The following TRMT11 variants were observed in gnomAD, a reference collection of about 807,000 sequenced individuals.
TRMT11 encodes the protein tRNA methyltransferase 11, also known as tRNA (guanine(10)-N(2))-methyltransferase TRMT11.
In TRMT11, 53 loss-of-function variants were observed where a neutral mutation model predicts 62.8. The ratio of observed to expected loss-of-function variants is 0.84; its 90% confidence interval spans 0.68 to 1.06. The LOEUF (loss-of-function observed/expected upper bound fraction) is 1.06. TRMT11 is among the 50% of genes least tolerant of loss of function. The pLI is 0.00. For synonymous variants in TRMT11, 188 were observed against 190.3 expected (o/e 0.99, Z 0.10); for missense variants, 556 against 553.4 (o/e 1.00, Z -0.05).
chr6:126,159,771 C>G (rs1778167873), intron 21 of TRMT11, among the ~76,000 whole-genome samples: 1 of 152,162 alleles, frequency 6.6e-6, no homozygotes, highest in Non-Finnish European at 1.5e-5. Flanking sequence ...CTCTTCCTAG[C>G]TTTGGGTGGC....
intron 17 of TRMT11, among the ~76,000 whole-genome samples, chr6:126,083,211 A>G (rs1777177888): frequency 6.6e-6 from 1 of 152,174 alleles, no homozygotes; most frequent in Admixed American, 6.5e-5. Flanking sequence ...CTGGTGTCCC[A>G]TCATGGTTTC....
intron 21 of TRMT11, among the ~76,000 whole-genome samples, chr6:126,148,718 G>A (rs1037808193): frequency 9.9e-5 from 15 of 151,986 alleles, no homozygotes; most frequent in Non-Finnish European, 1.5e-4. Flanking sequence ...GAGTCATTTA[G>A]TCGAGTGATT....
chr6:126,096,245 G>GGTGCTCTAGTTTATC (rs1777338576), intron 17 of TRMT11, among the ~76,000 whole-genome samples: 5 of 152,180 alleles, frequency 3.3e-5, no homozygotes, highest in Admixed American at 6.5e-5. Flanking sequence ...CAATTAACCT[G>GGTGCTCTAGTTTATC]ATTGGTAAAG....
intron 1 of TRMT11, among the ~76,000 whole-genome samples, chr6:126,182,887 T>A (rs1239761816): frequency 6.6e-6 from 1 of 152,176 alleles, no homozygotes; most frequent in Non-Finnish European, 1.5e-5. Flanking sequence ...GGTATCAGCC[T>A]GGCTGCACCC....
chr6:126,077,406 G>T (rs1290081582), intron 17 of TRMT11, among the ~76,000 whole-genome samples: 1 of 152,150 alleles, frequency 6.6e-6, no homozygotes, highest in Non-Finnish European at 1.5e-5. Flanking sequence ...CAACAACTGG[G>T]CTTTGAAAGA....
At chr6:126,080,478 TAATTC>T (rs1232816990) in intron 17 of TRMT11, among the ~76,000 whole-genome samples, 1 of 152,120 alleles carries the variant, frequency 6.6e-6, no homozygotes, top group Admixed American at 6.6e-5. Context: ...TGACCTAAGC[TAATTC>T]ACAGATTTAG....
intron 12 of TRMT11, among the ~76,000 whole-genome samples, chr6:126,022,395 A>G (rs1418396557): frequency 6.6e-6 from 1 of 152,074 alleles, no homozygotes; most frequent in Admixed American, 6.6e-5. Context: ...TTGTTTTTAT[A>G]TAGTTCCCAT....
At chr6:126,227,502 A>G in the TRMT11 span, among the ~76,000 whole-genome samples, 2 of 152,338 alleles carry the variant, frequency 1.3e-5, no homozygotes, top group African/African-American at 4.8e-5. Flanking sequence ...GAATTTGGAT[A>G]TATTTACATA....
At chr6:126,228,214 G>A in the TRMT11 span, among the ~76,000 whole-genome samples, 2 of 152,182 alleles carry the variant, frequency 1.3e-5, no homozygotes, top group Non-Finnish European at 2.9e-5. Flanking sequence ...TCACTAAGTG[G>A]TCAGGATGCC....
chr6:126,233,221 G>A, the TRMT11 span, among the ~76,000 whole-genome samples: 1 of 152,148 alleles, frequency 6.6e-6, no homozygotes, highest in Non-Finnish European at 1.5e-5. Flanking sequence ...TGTGGGTATA[G>A]GTTTGGCTGA....
chr6:125,995,283 G>A (rs1326815921), intron 2 of TRMT11, among the ~76,000 whole-genome samples: 1 of 152,136 alleles, frequency 6.6e-6, no homozygotes, highest in Non-Finnish European at 1.5e-5. Flanking sequence ...AGGAAGGAGA[G>A]TGCGGATATA....
chr6:126,021,170 GAGAT>G lies in TRMT11; in HGVS notation c.1151_1154del (p.Glu384GlyfsTer26), dbSNP rs1795752323. 8 of 1,614,134 alleles carry G rather than the reference GAGAT, an allele frequency of 5.0e-6. No individual in the cohort carries two copies. Among genetic ancestry groups the G allele is most frequent in the Non-Finnish European group, 6.8e-6 (8 of 1,179,990 alleles). On this transcript the variant is annotated frameshift_variant, in exon 12 of 13. Coordinates refer to ENST00000334379, the MANE Select transcript of TRMT11 (RefSeq NM_001031712.3). LOFTEE classifies it high-confidence loss of function. ...CTGTTCTTTCTTCAGATACACTGAAGAGATGGTGCCTTGGCACCCTTGCCTGGAA... is the reference window on the plus strand; with the variant it reads ...CTGTTCTTTCTTCAGATACACTGAAGGGTGCCTTGGCACCCTTGCCTGGAA...
At chr6:126,221,448 A>G in the TRMT11 span, among the ~76,000 whole-genome samples, 1 of 152,146 alleles carries the variant, frequency 6.6e-6, no homozygotes, top group African/African-American at 2.4e-5. Context: ...AATTCTAGTC[A>G]TTCTGACTGG....
the TRMT11 span, among the ~76,000 whole-genome samples, chr6:126,262,288 G>T: frequency 6.6e-6 from 1 of 152,174 alleles, no homozygotes; most frequent in Non-Finnish European, 1.5e-5. Flanking sequence ...GTCCAGCCAG[G>T]TGTACAACAT....
chr6:126,093,587 A>ATGTATGTG (rs1481755472), intron 17 of TRMT11, among the ~76,000 whole-genome samples: 1 of 15,250 alleles, frequency 6.6e-5, no homozygotes, highest in African/African-American at 3.1e-4. Flanking sequence ...ATATGTATGT[A>ATGTATGTG]TATATATATA....
At chr6:126,243,073 CA>C in the TRMT11 span, among the ~76,000 whole-genome samples, 1 of 148,092 alleles carries the variant, frequency 6.8e-6, no homozygotes, top group Non-Finnish European at 1.5e-5. Flanking sequence ...ACAAAGAACT[CA>C]AACAAATTTA....
intron 11 of TRMT11, among the ~76,000 whole-genome samples, chr6:126,015,183 T>A (rs1395576350): frequency 6.6e-6 from 1 of 152,172 alleles, no homozygotes; most frequent in Non-Finnish European, 1.5e-5. Flanking sequence ...TTTTCCAATA[T>A]TAACATATAT....
intron 17 of TRMT11, among the ~76,000 whole-genome samples, chr6:126,077,520 C>G (rs1490990123): frequency 6.6e-6 from 1 of 152,128 alleles, no homozygotes; most frequent in East Asian, 1.9e-4. Context: ...CTAATTCTGT[C>G]AACATTTACT....
chr6:126,080,302 G>C (rs189292369), intron 17 of TRMT11, among the ~76,000 whole-genome samples: 1 of 152,030 alleles, frequency 6.6e-6, no homozygotes, highest in East Asian at 1.9e-4. Context: ...GTAGAGAAAG[G>C]GTCTCACTGT....
Sources: allele counts gnomAD v4.1 joint callset (sites outside exome capture counted in the v4.1 genomes callset), GRCh38; gene constraint gnomAD v4.1.1; transcripts MANE v1.5; gene names NCBI Gene and HGNC (gene_info 2026-07-23, HGNC 2026-07-21).